ATP2C2: variants seen among roughly 807,000 people sequenced by gnomAD.
ATP2C2 encodes ATPase secretory pathway Ca2+ transporting 2.
Under a neutral mutation model 110.8 loss-of-function variants are expected in ATP2C2, and 171 were observed. The observed-to-expected ratio is 1.54, with a 90% CI of 1.36 to 1.75. The LOEUF (loss-of-function observed/expected upper bound fraction) is 1.75. Ranked by LOEUF, ATP2C2 falls within the 40% of genes most tolerant of loss-of-function variation. The probability of loss-of-function intolerance (pLI) is 0.00; values close to 1 mark genes in which losing one functional copy is unlikely to be tolerated. For synonymous variants in ATP2C2, 804 were observed against 508.4 expected, an observed-to-expected ratio of 1.58 and a Z score of -7.82; for missense variants, 1,963 against 1,235.0, an observed-to-expected ratio of 1.59 and a Z score of -8.84.
chr16:84,389,157 G>C (rs17813537), intron 1 of ATP2C2, among the ~76,000 whole-genome samples: 15,973 of 152,148 alleles, frequency 0.1, 989 homozygotes, highest in Non-Finnish European at 0.13. Context: ...GGGGCCAAGT[G>C]CTTTCCACAA....
intron 2 of ATP2C2, among the ~76,000 whole-genome samples, chr16:84,403,549 C>T (rs1183873612): frequency 1.3e-5 from 2 of 152,182 alleles, no homozygotes; most frequent in Non-Finnish European, 2.9e-5. Flanking sequence ...TTCAAGCAAT[C>T]TCCCCACCTC....
rs955900564 is a variant in ATP2C2 at position 84,423,274 on chromosome 16, C to T, written c.919+11C>T. Reference sequence around the variant, plus strand: ...CCTTTGGCATAATCGGTGAGTGAAGCAGTTTCCATACTGGGTTTGTTCTGC... The same window carrying T: ...CCTTTGGCATAATCGGTGAGTGAAGTAGTTTCCATACTGGGTTTGTTCTGC... On this transcript the variant is annotated intron_variant, in intron 10 of 26. Transcript: ENST00000262429. The T allele has an allele frequency of 2.5e-6, 4 of 1,611,784 alleles. No individual in the cohort carries two copies. The highest frequency in any genetic ancestry group is 3.4e-6 in the Non-Finnish European group (4 of 1,177,900).
chr16:84,454,475 G>C (rs1910603399), intron 20 of ATP2C2, among the ~76,000 whole-genome samples: 1 of 152,122 alleles, frequency 6.6e-6, no homozygotes, highest in African/African-American at 2.4e-5. Flanking sequence ...GTACCCCATG[G>C]TTTCCAGGGC....
At chr16:84,410,519 C>A (rs780942936) in intron 4 of ATP2C2, 49 bp from the exon 5 acceptor site, 34 of 1,597,724 alleles carry the variant, frequency 2.1e-5, no homozygotes, top group East Asian at 4.5e-5. Context: ...CCCTGTCCCC[C>A]CTCCCACTGA....
At chr16:84,452,449 C>G (rs1034778468) in intron 18 of ATP2C2, among the ~76,000 whole-genome samples, 2 of 151,460 alleles carry the variant, frequency 1.3e-5, no homozygotes, top group Admixed American at 6.6e-5. Flanking sequence ...CACTCTGACC[C>G]TCAGTCTCTT....
intron 1 of ATP2C2, among the ~76,000 whole-genome samples, chr16:84,382,710 G>A (rs1255729392): frequency 1.3e-5 from 2 of 152,080 alleles, no homozygotes; most frequent in South Asian, 2.1e-4. Context: ...CCTGGCCAAC[G>A]TGGCAAAACC....
Position 84,440,965 on chromosome 16 carries a change from G to A in ATP2C2, c.1311+7G>A, listed in dbSNP as rs1423076049. On this transcript the variant is annotated splice_region_variant and intron_variant, in intron 14 of 26. Transcript: ENST00000262429. ...AGTGGGAAAGTTAGTGGAGGTAGGT[G>A]TCAAAAGCGCCATGAGGGAAATAGG... 6.2e-7 allele frequency: 1 copy of A among 1,602,922 alleles called. No homozygotes were observed. The highest frequency in any genetic ancestry group is 1.7e-5 in the Admixed American group (1 of 59,454).
At chr16:84,461,221 A>G (rs541620) in intron 24 of ATP2C2, 245,591 of 254,504 alleles carry the variant, frequency 0.96, 118,522 homozygotes, top group East Asian at 1. Flanking sequence ...AGGGAGCTCT[A>G]TGCCAGGACG....
intron 13 of ATP2C2, among the ~76,000 whole-genome samples, chr16:84,440,042 T>C (rs1293249299): frequency 1.3e-5 from 2 of 152,256 alleles, no homozygotes; most frequent in Admixed American, 6.5e-5. Flanking sequence ...CACTATATGT[T>C]GGCCAGGCTG....
At chr16:84,384,887 T>G (rs1228798766) in intron 1 of ATP2C2, among the ~76,000 whole-genome samples, 1 of 152,070 alleles carries the variant, frequency 6.6e-6, no homozygotes, top group Non-Finnish European at 1.5e-5. Context: ...TGGTCTCTAA[T>G]AAAAATACAA....
At chr16:84,453,643 G>T (rs1337058407) in intron 20 of ATP2C2, among the ~76,000 whole-genome samples, 3 of 152,200 alleles carry the variant, frequency 2.0e-5, no homozygotes, top group Admixed American at 6.5e-5. Flanking sequence ...CCAGAACACA[G>T]TCACGGGCCC....
intron 22 of ATP2C2, 23 bp from the exon 23 acceptor site, chr16:84,459,247 G>T (rs758660634): frequency 1.2e-6 from 2 of 1,614,130 alleles, no homozygotes; most frequent in Non-Finnish European, 1.7e-6. Flanking sequence ...GGCGGCCGCT[G>T]ACTGGCTGCG....
chr16:84,404,097 C>T (rs1225842107), intron 2 of ATP2C2, among the ~76,000 whole-genome samples: 4 of 152,168 alleles, frequency 2.6e-5, no homozygotes, highest in African/African-American at 9.7e-5. Flanking sequence ...CATGGTTGTT[C>T]AAACATCTCC....
Position 84,464,162 on chromosome 16 carries a change from T to TAA in ATP2C2, c.*432_*433dup, listed in dbSNP as rs1911685271. The TAA allele has an allele frequency of 6.4e-6, 1 of 156,618 alleles. No homozygotes were observed. The highest frequency in any genetic ancestry group is 2.0e-4 in the South Asian group (1 of 5,066). The allele number at this position is 156,618 out of a possible 1,614,324, so 9.7% of individuals were successfully genotyped here. ...CATCATAAAATGAGGGACTTTTAAA[T>TAA]AAAGTGCTATGCCGGGGGATAATTA... On this transcript the variant is annotated 3_prime_UTR_variant, in exon 27 of 27. Transcript: ENST00000262429.
intron 11 of ATP2C2, among the ~76,000 whole-genome samples, chr16:84,436,058 G>A (rs890495726): frequency 2.0e-5 from 3 of 152,138 alleles, no homozygotes; most frequent in African/African-American, 4.8e-5. Flanking sequence ...GAAGCTGGGG[G>A]GTGGATGTTG....
At chr16:84,421,473 T>A (rs1907332868) in intron 7 of ATP2C2, among the ~76,000 whole-genome samples, 1 of 152,212 alleles carries the variant, frequency 6.6e-6, no homozygotes, top group Admixed American at 6.5e-5. Flanking sequence ...TTGATCTAGC[T>A]GTGGTTCTCT....
At chr16:84,448,799 A>T in intron 17 of ATP2C2, 110 bp downstream of exon 17, 1 of 1,427,712 alleles carries the variant, frequency 7.0e-7, no homozygotes, top group Non-Finnish European at 9.4e-7. Context: ...CCAAGGAGTC[A>T]GGCAGCATGC....
intron 6 of ATP2C2, among the ~76,000 whole-genome samples, chr16:84,413,644 C>T (rs772706189): frequency 6.6e-6 from 1 of 152,122 alleles, no homozygotes; most frequent in African/African-American, 2.4e-5. Context: ...TGATGTCTCC[C>T]GGGAGGTCAC....
intron 11 of ATP2C2, 110 bp downstream of exon 11, chr16:84,425,911 G>T: frequency 7.5e-7 from 1 of 1,339,326 alleles, no homozygotes; most frequent in Non-Finnish European, 1.1e-6. Context: ...GGGTTGGGAA[G>T]GTGCAGCCCC....
Sources: allele counts gnomAD v4.1 joint callset (sites outside exome capture counted in the v4.1 genomes callset), GRCh38; gene constraint gnomAD v4.1.1; transcripts MANE v1.5; gene names NCBI Gene and HGNC (gene_info 2026-07-23, HGNC 2026-07-21).